GALNT10: variants seen among roughly 807,000 people sequenced by gnomAD.
The protein encoded by GALNT10 is polypeptide N-acetylgalactosaminyltransferase 10.
A neutral mutation model predicts 75.0 loss-of-function variants in GALNT10; 41 were observed. That is an observed-to-expected ratio of 0.55 (90% CI 0.43 to 0.71). The LOEUF is 0.71. Among genes scored for constraint, GALNT10 ranks in the 30% least tolerant of loss-of-function variants. The pLI is 0.00. For synonymous variants in GALNT10, 302 were observed against 313.0 expected (o/e 0.96, Z 0.37); for missense variants, 727 against 818.5 (o/e 0.89, Z 1.36).
At chr5:154,382,326 G>A (rs1755745857) in intron 6 of GALNT10, among the ~76,000 whole-genome samples, 1 of 152,232 alleles carries the variant, frequency 6.6e-6, no homozygotes, top group Non-Finnish European at 1.5e-5. Context: ...AACATTTGTG[G>A]TCTTCTCTTG....
intron 1 of GALNT10, among the ~76,000 whole-genome samples, chr5:154,290,234 G>A (rs1292971604): frequency 6.7e-6 from 1 of 148,656 alleles, no homozygotes; most frequent in African/African-American, 2.5e-5. Context: ...TGGGATTATA[G>A]GTGTGTGCCA....
chr5:154,251,378 C>A (rs1340274798), intron 1 of GALNT10, among the ~76,000 whole-genome samples: 1 of 152,080 alleles, frequency 6.6e-6, no homozygotes, highest in Non-Finnish European at 1.5e-5. Context: ...CTTTTCCTTG[C>A]AATTTATCTG....
intron 7 of GALNT10, among the ~76,000 whole-genome samples, chr5:154,400,085 C>G (rs13160265): frequency 0.054 from 8,211 of 152,194 alleles, 253 homozygotes; most frequent in African/African-American, 0.08. Context: ...CTTCAGTAAG[C>G]AGTGATTGTG....
intron 4 of GALNT10, among the ~76,000 whole-genome samples, chr5:154,370,420 T>C (rs1169177326): frequency 6.6e-6 from 1 of 152,164 alleles, no homozygotes; most frequent in African/African-American, 2.4e-5. Context: ...AGGAACCTGC[T>C]GTGGTTTGGG....
chr5:154,390,041 C>T (rs1209561772), intron 7 of GALNT10, among the ~76,000 whole-genome samples: 1 of 152,178 alleles, frequency 6.6e-6, no homozygotes, highest in African/African-American at 2.4e-5. Context: ...ACCAACCTTC[C>T]TAAACAAGAG....
chr5:154,293,625 C>CTTTTTTTTTTTTTTTTTTT (rs1320287927), intron 1 of GALNT10, among the ~76,000 whole-genome samples: 42 of 128,108 alleles, frequency 3.3e-4, no homozygotes, highest in Non-Finnish European at 5.3e-4. Flanking sequence ...TTTTTTTTTC[C>CTTTTTTTTTTTTTTTTTTT]TTTCAGCCAT....
chr5:154,395,343 A>G (rs1403510092), intron 7 of GALNT10, among the ~76,000 whole-genome samples: 3 of 152,206 alleles, frequency 2.0e-5, no homozygotes, highest in South Asian at 4.1e-4. Context: ...TGCAAATTCA[A>G]TGAGCTAGCT....
intron 3 of GALNT10, among the ~76,000 whole-genome samples, chr5:154,306,538 G>T (rs1754435551): frequency 6.6e-6 from 1 of 152,030 alleles, no homozygotes. Context: ...ACTACATAAG[G>T]GGAAATTTGT....
intron 7 of GALNT10, chr5:154,386,686 G>A: frequency 1.7e-6 from 1 of 579,466 alleles, no homozygotes; most frequent in South Asian, 2.3e-5. Flanking sequence ...CATTTGCCTT[G>A]TGTCTTCTTA....
At chr5:154,250,568 T>C (rs1390155568) in intron 1 of GALNT10, among the ~76,000 whole-genome samples, 1 of 152,162 alleles carries the variant, frequency 6.6e-6, no homozygotes, top group Non-Finnish European at 1.5e-5. Flanking sequence ...CGCCCCAAGA[T>C]GGCTGGTGCA....
At chr5:154,396,072 CCAA>C (rs1382000922) in intron 7 of GALNT10, among the ~76,000 whole-genome samples, 2 of 152,114 alleles carry the variant, frequency 1.3e-5, no homozygotes, top group East Asian at 3.9e-4. Flanking sequence ...GGCAGGTTGG[CCAA>C]CAAGTTCCAA....
chr5:154,328,671 C>A (rs777866300), intron 3 of GALNT10, among the ~76,000 whole-genome samples: 2 of 152,134 alleles, frequency 1.3e-5, no homozygotes, highest in Non-Finnish European at 2.9e-5. Flanking sequence ...TATCCCTCAC[C>A]CCCAATCTTC....
intron 1 of GALNT10, among the ~76,000 whole-genome samples, chr5:154,197,381 G>A (rs1023163070): frequency 2.0e-5 from 3 of 152,148 alleles, no homozygotes; most frequent in Non-Finnish European, 2.9e-5. Context: ...CTTAGCTGGA[G>A]GAGGTGGAGT....
At position 154,298,155 on chromosome 5, in the gene GALNT10, A is replaced by T; in HGVS notation, c.401+76A>T. ...GTTGTTGAGAATTAATTAAGGAAGC[A>T]GGTACATGGAGCCCTGCTGACGGAG... On this transcript the variant is annotated intron_variant, in intron 3 of 11. Transcript: ENST00000297107. The surrounding 1 kb of genome is among the most constrained non-coding windows in gnomAD (Gnocchi z 4.1). 7.4e-7 allele frequency: 1 copy of T among 1,345,246 alleles called. No individual in the cohort carries two copies. Among genetic ancestry groups the T allele is most frequent in the Non-Finnish European group, 1.0e-6 (1 of 954,826 alleles). 83.3% of individuals were successfully genotyped at this position (1,345,246 alleles called of 1,614,324 possible). A position where few individuals can be genotyped will look rare whatever the true frequency, so the allele number is the denominator to read the frequency against.
intron 1 of GALNT10, among the ~76,000 whole-genome samples, chr5:154,227,268 C>A (rs1753077208): frequency 1.3e-5 from 2 of 152,350 alleles, no homozygotes; most frequent in Non-Finnish European, 2.9e-5. Flanking sequence ...ACATTCCCAG[C>A]AGCAGTATAT....
intron 1 of GALNT10, among the ~76,000 whole-genome samples, chr5:154,205,217 A>G (rs574917275): frequency 6.6e-6 from 1 of 152,234 alleles, no homozygotes; most frequent in African/African-American, 2.4e-5. Flanking sequence ...GGCAACAGTC[A>G]AAGGACACCG....
At chr5:154,243,919 G>T (rs536020224) in intron 1 of GALNT10, among the ~76,000 whole-genome samples, 2 of 152,206 alleles carry the variant, frequency 1.3e-5, no homozygotes, top group Non-Finnish European at 2.9e-5. Flanking sequence ...TGAGATGTTA[G>T]TGCTTTAAAG....
At chr5:154,280,576 A>G (rs984058564) in intron 1 of GALNT10, among the ~76,000 whole-genome samples, 3 of 152,220 alleles carry the variant, frequency 2.0e-5, no homozygotes, top group African/African-American at 7.2e-5. Context: ...TAAAAGATAC[A>G]TGTTTTGCAA....
rs114490926 is a variant in GALNT10 at position 154,345,542 on chromosome 5, G to A, written c.568+15804G>A. On this transcript the variant is annotated intron_variant, in intron 4 of 11. Coordinates refer to ENST00000297107, the MANE Select transcript of GALNT10 (RefSeq NM_198321.4). The stretch of plus-strand genomic sequence containing the variant: ...ATTCCTCATATGAGTGAGATCATGC[G>A]GTATTTATCTTGTGTGTCTGGCCTA... 6.8e-3 allele frequency among the ~76,000 whole-genome samples: 1,035 copies of A among 151,524 alleles called. 8 individuals carry two copies. Among genetic ancestry groups the A allele is most frequent in the African/African-American group, 0.023 (946 of 41,220 alleles).
Sources: allele counts gnomAD v4.1 joint callset (sites outside exome capture counted in the v4.1 genomes callset), GRCh38; gene constraint gnomAD v4.1.1; non-coding constraint Gnocchi (gnomAD v3.1); transcripts MANE v1.5; gene names NCBI Gene and HGNC (gene_info 2026-07-23, HGNC 2026-07-21).